Variants in CLCNKA observed in about 807,000 individuals in gnomAD.
CLCNKA encodes the protein chloride channel protein ClC-Ka.
Under a neutral mutation model 83.3 loss-of-function variants are expected in CLCNKA, and 66 were observed. The ratio of observed to expected loss-of-function variants is 0.79; its 90% CI spans 0.65 to 0.97. CLCNKA has a LOEUF of 0.97. Ranked by LOEUF, CLCNKA falls within the 50% of genes least tolerant of loss-of-function variation. The pLI is 0.00. For synonymous variants in CLCNKA, 357 were observed against 370.4 expected (o/e 0.96, Z 0.42); for missense variants, 806 against 888.7 (o/e 0.91, Z 1.18).
rs138578392 is a variant in CLCNKA at position 16,027,431 on chromosome 1, G to A, written c.777G>A (p.Glu259=). The A allele has an allele frequency of 1.4e-3, 2,192 of 1,613,872 alleles. 29 individuals are homozygous for A. The African/African-American group carries it at 0.026, about 19-fold the overall frequency. Residue 259 remains glutamate, a synonymous_variant, in exon 8 of 20, where the codon GAG becomes GAA. Coordinates refer to ENST00000331433, the MANE Select transcript of CLCNKA (RefSeq NM_004070.4). ...GGCTCCTGGCAGTCTTCAACAGCGAGCAGGGTGAGCCCCCTGGGCTGCCTG... is the reference window on the plus strand; with the variant it reads ...GGCTCCTGGCAGTCTTCAACAGCGAACAGGGTGAGCCCCCTGGGCTGCCTG... The part of the protein sequence containing the change: ...IFRLLAVFNS[E]QETITSLYKT...
In CLCNKA at chr1:16,033,464, G is replaced by A. The variant is rs72474561; in HGVS notation, c.2017-147G>A. ...GGCCAGTGGCCAGCCTGCCCTTCTC[G>A]GCCTCAGTGATCCCATCTGTGCAAT... On this transcript the variant is annotated intron_variant, in intron 19 of 19. Transcript: ENST00000331433. 302 of 912,424 alleles carry A rather than the reference G, an allele frequency of 3.3e-4. 1 individual carries two copies. The East Asian group carries it at 6.2e-3, about 19-fold the overall frequency. 56.5% of individuals were successfully genotyped at this position (912,424 alleles called of 1,614,324 possible). A position where few individuals can be genotyped will look rare whatever the true frequency, so the allele number is the denominator to read the frequency against.
At chr1:16,027,147 C>G (rs2022393074) in intron 7 of CLCNKA, among the ~76,000 whole-genome samples, 163 bp from the exon 8 acceptor site, 1 of 152,188 alleles carries the variant, frequency 6.6e-6, no homozygotes, top group South Asian at 2.1e-4. Flanking sequence ...GCGGGGTCCT[C>G]CCCGCCCAGG....
At chr1:16,025,347 G>A (rs1570297792) in intron 4 of CLCNKA, among the ~76,000 whole-genome samples, 1 of 152,220 alleles carries the variant, frequency 6.6e-6, no homozygotes, top group Non-Finnish European at 1.5e-5. Flanking sequence ...TGCAAAATGA[G>A]TTTATGCATC....
chr1:16,026,361 C>T, intron 5 of CLCNKA, 114 bp downstream of exon 5: 1 of 1,468,638 alleles, frequency 6.8e-7, no homozygotes, highest in Non-Finnish European at 9.3e-7. Flanking sequence ...TGCCTGCCTT[C>T]AGGGAGCTCA....
intron 14 of CLCNKA, 134 bp downstream of exon 14, chr1:16,030,209 C>G: frequency 1.3e-6 from 1 of 748,132 alleles, no homozygotes; most frequent in Non-Finnish European, 2.2e-6. Flanking sequence ...TCATGGGGGT[C>G]TGTCCCTCCT....
At chr1:16,031,907 C>T (rs1285688230) in intron 16 of CLCNKA, 64 bp downstream of exon 16, 1 of 1,610,256 alleles carries the variant, frequency 6.2e-7, no homozygotes, top group Non-Finnish European at 8.5e-7. Flanking sequence ...CTTCTTGAAC[C>T]TGTCAGGCAG....
intron 1 of CLCNKA, among the ~76,000 whole-genome samples, chr1:16,022,364 A>T (rs1029678201): frequency 1.3e-5 from 2 of 152,148 alleles, no homozygotes; most frequent in Admixed American, 6.5e-5. Context: ...CGGTGTCCAC[A>T]GTCTGCTGCT....
intron 18 of CLCNKA, 73 bp downstream of exon 18, chr1:16,032,599 C>A: frequency 8.3e-7 from 1 of 1,210,140 alleles, no homozygotes; most frequent in Non-Finnish European, 1.2e-6. Flanking sequence ...GCTCAGGCTC[C>A]AGCCTCCCGT....
rs1216274989 is a variant in CLCNKA, at chr1:16,032,505, C to A, written c.1908C>A (p.Phe636Leu). The change falls in exon 18 of 20, where the codon TTC (phenylalanine) becomes TTA (leucine). Residue 636 changes from phenylalanine (F) to leucine (L), a missense_variant. Physicochemically the swap from Phe to Leu is conservative, Grantham distance 22 (BLOSUM62 0). Coordinates refer to ENST00000331433, the MANE Select transcript of CLCNKA (RefSeq NM_004070.4). Reference sequence around the variant, plus strand: ...CGGAACCAGTGACCCTGACGCTATTCTCAGAGACCACCTTGCACCAGGTAA... The same window carrying A: ...CGGAACCAGTGACCCTGACGCTATTATCAGAGACCACCTTGCACCAGGTAA... ...CPTEPVTLTL[F>L]SETTLHQAQN... is the part of the protein sequence containing the mutation. 6.2e-7 allele frequency: 1 copy of A among 1,613,110 alleles called. No homozygotes were observed. Among genetic ancestry groups the A allele is most frequent in the Non-Finnish European group, 8.5e-7 (1 of 1,179,736 alleles).
intron 2 of CLCNKA, among the ~76,000 whole-genome samples, 178 bp from the exon 3 acceptor site, chr1:16,023,622 C>A (rs547120882): frequency 6.6e-6 from 1 of 152,304 alleles, no homozygotes; most frequent in East Asian, 1.9e-4. Context: ...TCTGCCAGTC[C>A]CAGTGCGAGG....
At chr1:16,029,068 C>A (rs748962562) in intron 11 of CLCNKA, 58 bp from the exon 12 acceptor site, 1 of 1,588,712 alleles carries the variant, frequency 6.3e-7, no homozygotes, top group Non-Finnish European at 8.6e-7. Context: ...GCGGGGGAGG[C>A]TGGGGTCTGC....
chr1:16,031,997 T>A (rs2022643917), intron 16 of CLCNKA, among the ~76,000 whole-genome samples, 154 bp downstream of exon 16: 2 of 152,122 alleles, frequency 1.3e-5, no homozygotes, highest in African/African-American at 4.8e-5. Context: ...AGCCTCAGTT[T>A]CCTCATCAGC....
At chr1:16,028,555 A>T in intron 10 of CLCNKA, 2 of 705,974 alleles carry the variant, frequency 2.8e-6, no homozygotes, top group Non-Finnish European at 2.6e-6. Context: ...GCCCTCAGTC[A>T]TACCCAGTTG....
In CLCNKA at chr1:16,022,677, G is replaced by A. The variant is rs2022181614; in HGVS notation, c.58G>A (p.Glu20Lys). Residue 20 changes from glutamate to lysine, a missense_variant, in exon 2 of 20, where the codon GAG becomes AAG. Glu to Lys is a moderately conservative substitution (Grantham distance 56). Transcript: ENST00000331433. ...CTCAGGGGACCCTGTGACTCTGCAG[G>A]AGCTGTGGGGCCCCTGTCCCCACAT... is the stretch of plus-strand genomic sequence containing the variant. The part of the protein sequence containing the change: ...GFSGDPVTLQ[E>K]LWGPCPHIRR... 1 of 1,561,020 alleles carries A rather than the reference G, an allele frequency of 6.4e-7. No homozygotes were observed. Among genetic ancestry groups the A allele is most frequent in the Non-Finnish European group, 8.7e-7 (1 of 1,152,850 alleles).
intron 18 of CLCNKA, 120 bp from the exon 19 acceptor site, chr1:16,033,050 T>C: frequency 9.4e-7 from 1 of 1,058,566 alleles, no homozygotes; most frequent in Non-Finnish European, 1.5e-6. Context: ...CCTGGGTCTG[T>C]TGCCTCCCAC....
intron 16 of CLCNKA, 48 bp downstream of exon 16, chr1:16,031,891 T>A: frequency 6.2e-7 from 1 of 1,612,432 alleles, no homozygotes; most frequent in East Asian, 2.2e-5. Flanking sequence ...GGATGCCCTC[T>A]GCCTCCTTCT....
intron 15 of CLCNKA, 130 bp from the exon 16 acceptor site, chr1:16,031,580 C>T: frequency 7.4e-7 from 1 of 1,343,498 alleles, no homozygotes; most frequent in South Asian, 1.3e-5. Flanking sequence ...ATTCCAGGAA[C>T]CTCTCCAGCC....
chr1:16,028,559 C>G lies in CLCNKA; in HGVS notation c.969-202C>G, dbSNP rs1243051979. 8.4e-6 allele frequency: 6 copies of G among 710,674 alleles called. No homozygotes were observed. The Admixed American group carries it at 1.2e-4, about 14-fold the overall frequency. The allele number at this position is 710,674 out of a possible 1,614,324, so 44.0% of individuals were successfully genotyped here. On this transcript the variant is annotated intron_variant, in intron 10 of 19. Coordinates refer to ENST00000331433, the MANE Select transcript of CLCNKA (RefSeq NM_004070.4). ...GTGATTCCTCTGCCCTCAGTCATAC[C>G]CAGTTGAGGGGCTCACCCCACGGGT... is the stretch of plus-strand genomic sequence containing the variant.
At chr1:16,025,265 A>C (rs2022303113) in intron 4 of CLCNKA, among the ~76,000 whole-genome samples, 1 of 152,192 alleles carries the variant, frequency 6.6e-6, no homozygotes, top group Non-Finnish European at 1.5e-5. Flanking sequence ...CCATCCTGAC[A>C]CAGCCATCTG....
Sources: gnomAD v4.1 joint callset for allele counts (sites outside exome capture counted in the v4.1 genomes callset) on GRCh38, gnomAD v4.1.1 for gene constraint, MANE v1.5 for transcripts, NCBI Gene and HGNC (gene_info 2026-07-23, HGNC 2026-07-21) for gene names.